Variants in UGT1A3 observed in about 807,000 individuals in gnomAD.
The protein encoded by UGT1A3 is UDP glucuronosyltransferase family 1 member A3.
In UGT1A3, 31 loss-of-function variants were observed where a neutral mutation model predicts 41.0. The observed-to-expected ratio is 0.76, with a 90% CI of 0.57 to 1.02. The LOEUF is 1.02. Ranked by LOEUF, UGT1A3 falls within the 50% of genes least tolerant of loss-of-function variation. UGT1A3 has a pLI of 0.00. For synonymous variants in UGT1A3, 262 were observed against 257.6 expected (o/e 1.02, Z -0.17); for missense variants, 737 against 671.0 (o/e 1.10, Z -1.09).
intron 1 of UGT1A3, among the ~76,000 whole-genome samples, chr2:233,761,780 C>T (rs762414530): frequency 3.3e-5 from 5 of 152,172 alleles, no homozygotes; most frequent in African/African-American, 9.7e-5. Flanking sequence ...ACATCCTCAT[C>T]GAAATCTCAG....
chr2:233,759,375 T>C (rs1697120269), intron 1 of UGT1A3, among the ~76,000 whole-genome samples: 2 of 152,058 alleles, frequency 1.3e-5, no homozygotes, highest in Admixed American at 1.3e-4. Flanking sequence ...AGGTACAGGT[T>C]TTCAGGATAC....
intron 1 of UGT1A3, among the ~76,000 whole-genome samples, chr2:233,732,232 C>T (rs2078252352): frequency 6.6e-6 from 1 of 152,176 alleles, no homozygotes; most frequent in South Asian, 2.1e-4. Flanking sequence ...TTCTCCCATT[C>T]TGTAGGTTGC....
At chr2:233,760,105 A>G in intron 1 of UGT1A3, 1 of 1,175,844 alleles carries the variant, frequency 8.5e-7, no homozygotes, top group Non-Finnish European at 1.2e-6. Context: ...TTGCCTATTA[A>G]GAAACCTAAT....
intron 1 of UGT1A3, among the ~76,000 whole-genome samples, chr2:233,756,653 T>C (rs1696281522): frequency 6.6e-6 from 1 of 152,220 alleles, no homozygotes; most frequent in South Asian, 2.1e-4. Flanking sequence ...AAACATGGGA[T>C]GCAGTGATTA....
intron 1 of UGT1A3, among the ~76,000 whole-genome samples, chr2:233,736,127 C>T (rs143835193): frequency 0.028 from 4,197 of 152,268 alleles, 184 homozygotes; most frequent in African/African-American, 0.094. Flanking sequence ...TTCCATTCTC[C>T]GCATCACTTT....
At chr2:233,744,071 C>T (rs17864701) in intron 1 of UGT1A3, 146,390 of 490,018 alleles carry the variant, frequency 0.3, 23,171 homozygotes, top group South Asian at 0.39. Context: ...CTATGAGCGC[C>T]TCGCATCCCA....
At chr2:233,738,589 T>A (rs765619783) in intron 1 of UGT1A3, among the ~76,000 whole-genome samples, 10 of 152,236 alleles carry the variant, frequency 6.6e-5, no homozygotes, top group Admixed American at 1.3e-4. Flanking sequence ...CAAAGGTCAC[T>A]CTTGCTAAGC....
chr2:233,738,866 G>C (rs1369397028), intron 1 of UGT1A3: 1 of 152,204 alleles, frequency 6.6e-6, no homozygotes, highest in Non-Finnish European at 1.5e-5. Context: ...TGGGGAAAAT[G>C]GCTCCAGGGC....
In UGT1A3 at chr2:233,743,994, T is replaced by A. The variant is rs60469444; in HGVS notation, c.867+14001T>A. ...GCCAGCACCCAGGCGCAGGCCCGAGTGCTCGGAGACCTGGGCCGCCTGGAG... is the reference window on the plus strand; with the variant it reads ...GCCAGCACCCAGGCGCAGGCCCGAGAGCTCGGAGACCTGGGCCGCCTGGAG... On this transcript the variant is annotated intron_variant, in intron 1 of 4. Transcript: ENST00000482026. The A allele has an allele frequency of 4.3e-3, 5,381 of 1,253,154 alleles. 300 individuals are homozygous for A. The African/African-American group carries it at 0.076, about 18-fold the overall frequency. 77.6% of individuals were successfully genotyped at this position (1,253,154 alleles called of 1,614,324 possible). A position where few individuals can be genotyped will look rare whatever the true frequency, so the allele number is the denominator to read the frequency against.
At chr2:233,737,753 A>G (rs151132399) in intron 1 of UGT1A3, among the ~76,000 whole-genome samples, 3 of 151,992 alleles carry the variant, frequency 2.0e-5, no homozygotes, top group East Asian at 1.9e-4. Context: ...CAGTTTTTCA[A>G]TGTGAACATA....
At chr2:233,732,525 T>G (rs775649964) in intron 1 of UGT1A3, among the ~76,000 whole-genome samples, 3 of 152,226 alleles carry the variant, frequency 2.0e-5, no homozygotes, top group Non-Finnish European at 4.4e-5. Context: ...GCTTTCTACA[T>G]ATGGCCAGTT....
chr2:233,754,685 T>G (rs1172577930), intron 1 of UGT1A3: 1 of 484,648 alleles, frequency 2.1e-6, no homozygotes, highest in African/African-American at 2.0e-5. Context: ...CATCAACTAT[T>G]TCAGTGGAAG....
intron 1 of UGT1A3, among the ~76,000 whole-genome samples, chr2:233,748,618 A>C (rs1693989707): frequency 1.3e-5 from 2 of 151,764 alleles, no homozygotes; most frequent in Non-Finnish European, 2.9e-5. Flanking sequence ...CGAACGTGGG[A>C]TATATGTCTG....
chr2:233,741,319 C>A (rs2125834585), intron 1 of UGT1A3, among the ~76,000 whole-genome samples: 1 of 151,674 alleles, frequency 6.6e-6, no homozygotes, highest in South Asian at 2.1e-4. Flanking sequence ...CCAACTCATT[C>A]TACTCTACCC....
At chr2:233,760,155 CT>C (rs1697330158) in intron 1 of UGT1A3, 26 of 1,487,798 alleles carry the variant, frequency 1.7e-5, no homozygotes, top group Non-Finnish European at 2.3e-5. Flanking sequence ...GAACTCCCTG[CT>C]ACCTTTGTGG....
In UGT1A3 at chr2:233,754,812, C is replaced by A. The variant is rs570173329; in HGVS notation, c.868-12222C>A. 401 of 1,317,492 alleles carry A rather than the reference C, an allele frequency of 3.0e-4. 1 individual carries two copies. Among genetic ancestry groups the A allele is most frequent in the Non-Finnish European group, 3.4e-4 (334 of 983,548 alleles). 81.6% of individuals were successfully genotyped at this position (1,317,492 alleles called of 1,614,324 possible). On this transcript the variant is annotated intron_variant, in intron 1 of 4. Transcript: ENST00000482026. ...AAATCCTGTATCAAAAGAAGAAAAA[C>A]CACCCTCAAAAGCTGGAAATTCACT...
Position 233,768,375 on chromosome 2 carries a change from A to C in UGT1A3, c.1243A>C (p.Asn415His). The change falls in exon 4 of 5, where the codon AAT becomes CAT. Residue 415 changes from asparagine to histidine, a missense_variant. Transcript: ENST00000482026. ...GACTAAGGGAGCTGGAGTGACCCTG[A>C]ATGTTCTGGAAATGACTTCTGAAGA... ...METKGAGVTL[N>H]VLEMTSEDLE... 1 of 1,614,190 alleles carries C rather than the reference A, an allele frequency of 6.2e-7. No individual in the cohort carries two copies. Among genetic ancestry groups the C allele is most frequent in the African/African-American group, 1.3e-5 (1 of 75,044 alleles).
At chr2:233,754,113 C>T (rs1185376783) in intron 1 of UGT1A3, among the ~76,000 whole-genome samples, 1 of 152,168 alleles carries the variant, frequency 6.6e-6, no homozygotes, top group Non-Finnish European at 1.5e-5. Flanking sequence ...TCCTACATCA[C>T]GAGCATTTAT....
intron 1 of UGT1A3, among the ~76,000 whole-genome samples, chr2:233,744,558 A>G (rs1559389162): frequency 6.6e-6 from 1 of 151,960 alleles, no homozygotes; most frequent in Non-Finnish European, 1.5e-5. Flanking sequence ...GACAAAATGT[A>G]GTGAGAAGAG....
Sources: gnomAD v4.1 joint callset for allele counts (sites outside exome capture counted in the v4.1 genomes callset) on GRCh38, gnomAD v4.1.1 for gene constraint, MANE v1.5 for transcripts, NCBI Gene and HGNC (gene_info 2026-07-23, HGNC 2026-07-21) for gene names.